The following MTUS2 variants were observed in gnomAD, a reference collection of about 807,000 sequenced individuals.
MTUS2 encodes microtubule-associated tumor suppressor candidate 2.
MTUS2 carries 40 observed loss-of-function variants against 114.1 expected under a neutral mutation model. The observed-to-expected ratio is 0.35, with a 90% CI of 0.27 to 0.46. MTUS2 has a LOEUF of 0.46. Ranked by LOEUF, MTUS2 falls within the 20% of genes least tolerant of loss-of-function variation. The probability of loss-of-function intolerance (pLI) is 1.00; values close to 1 mark genes in which losing one functional copy is unlikely to be tolerated. For synonymous variants in MTUS2, 688 were observed against 672.0 expected (o/e 1.02, Z -0.37); for missense variants, 1,679 against 1,705.4 (o/e 0.98, Z 0.27).
intron 2 of MTUS2, among the ~76,000 whole-genome samples, chr13:28,940,037 T>TTC (rs761902557): frequency 7.2e-5 from 11 of 152,270 alleles, no homozygotes; most frequent in East Asian, 1.9e-4. Context: ...CTTGACTCAG[T>TTC]TACCTCCCAC....
At chr13:29,088,210 T>C (rs1219002809) in intron 4 of MTUS2, among the ~76,000 whole-genome samples, 1 of 152,186 alleles carries the variant, frequency 6.6e-6, no homozygotes, top group African/African-American at 2.4e-5. Context: ...ACTTTTTTAT[T>C]TGTGCTTTAA....
At chr13:29,212,184 A>C (rs1472467040) in intron 5 of MTUS2, among the ~76,000 whole-genome samples, 1 of 151,504 alleles carries the variant, frequency 6.6e-6, no homozygotes, top group African/African-American at 2.4e-5. Context: ...TCCCTTTTTG[A>C]TTTCTTCTTT....
At chr13:28,897,622 A>G (rs1879358451) in intron 2 of MTUS2, among the ~76,000 whole-genome samples, 1 of 152,148 alleles carries the variant, frequency 6.6e-6, no homozygotes, top group African/African-American at 2.4e-5. Flanking sequence ...CTGTGGCACT[A>G]TTCACAATAG....
At chr13:28,880,308 A>G (rs535370410) in intron 2 of MTUS2, among the ~76,000 whole-genome samples, 11 of 152,214 alleles carry the variant, frequency 7.2e-5, no homozygotes, top group Non-Finnish European at 1.6e-4. Flanking sequence ...AAAAAAATAC[A>G]TTTTATTAAG....
chr13:29,089,154 AC>A (rs1260546664), intron 4 of MTUS2, among the ~76,000 whole-genome samples: 1 of 152,234 alleles, frequency 6.6e-6, no homozygotes, highest in African/African-American at 2.4e-5. Flanking sequence ...TCTGGTGGTA[AC>A]AATTTTCCCT....
intron 2 of MTUS2, among the ~76,000 whole-genome samples, chr13:28,991,882 G>C (rs994764898): frequency 6.6e-6 from 1 of 152,082 alleles, no homozygotes; most frequent in East Asian, 1.9e-4. Context: ...AGATGTCAAG[G>C]GTTTCTTAGG....
chr13:29,413,265 AT>A (rs1468070823), intron 8 of MTUS2, among the ~76,000 whole-genome samples: 1 of 152,202 alleles, frequency 6.6e-6, no homozygotes, highest in African/African-American at 2.4e-5. Context: ...CTCAAGGGCA[AT>A]TTATAGAACA....
At chr13:29,234,722 G>A (rs4383002) in intron 5 of MTUS2, among the ~76,000 whole-genome samples, 114,914 of 149,938 alleles carry the variant, frequency 0.77, 43,645 homozygotes, top group East Asian at 0.89. Flanking sequence ...TAATAGTATA[G>A]CATTTAGGTG....
intron 3 of MTUS2, among the ~76,000 whole-genome samples, chr13:29,031,270 G>GTGTGTGTGTGTGTGTGTGTGTGT (rs1555287201): frequency 4.5e-5 from 1 of 22,392 alleles, no homozygotes; most frequent in Non-Finnish European, 1.3e-4. Context: ...GTGTGTGTGT[G>GTGTGTGTGTGTGTGTGTGTGTGT]GTGTGTGTTC....
intron 7 of MTUS2, among the ~76,000 whole-genome samples, chr13:29,358,375 CT>C (rs1869929170): frequency 6.6e-6 from 1 of 152,178 alleles, no homozygotes; most frequent in Non-Finnish European, 1.5e-5. Context: ...GCCCAAAACC[CT>C]GTCCTCAACC....
intron 6 of MTUS2, among the ~76,000 whole-genome samples, chr13:29,285,588 G>A (rs1593261762): frequency 6.6e-6 from 1 of 152,260 alleles, no homozygotes; most frequent in South Asian, 2.1e-4. Context: ...AAGTACAAAG[G>A]AATGCAGAGA....
intron 5 of MTUS2, among the ~76,000 whole-genome samples, chr13:29,208,569 C>T (rs1211006225): frequency 1.3e-5 from 2 of 151,780 alleles, no homozygotes; most frequent in East Asian, 1.9e-4. Context: ...TTTAGTGCTC[C>T]GAACTTTCTT....
At chr13:28,904,791 C>A (rs375438016) in intron 2 of MTUS2, among the ~76,000 whole-genome samples, 42 of 151,996 alleles carry the variant, frequency 2.8e-4, no homozygotes, top group African/African-American at 5.8e-4. Flanking sequence ...TTCTGTGAAG[C>A]AAGTCATTGG....
At chr13:29,385,633 CCCTT>C (rs5802520) in intron 8 of MTUS2, among the ~76,000 whole-genome samples, 95,567 of 151,312 alleles carry the variant, frequency 0.63, 30,671 homozygotes, top group East Asian at 0.75. Flanking sequence ...TGCTGCTGAG[CCCTT>C]CCTTCCTGGT....
intron 5 of MTUS2, among the ~76,000 whole-genome samples, chr13:29,113,512 C>A (rs1460977358): frequency 6.6e-6 from 1 of 152,140 alleles, no homozygotes; most frequent in Admixed American, 6.5e-5. Flanking sequence ...GATACGGTAG[C>A]CACTAGTCAC....
intron 4 of MTUS2, among the ~76,000 whole-genome samples, chr13:29,057,144 G>T (rs1266814073): frequency 6.6e-6 from 1 of 151,906 alleles, no homozygotes; most frequent in Non-Finnish European, 1.5e-5. Context: ...TGTTTTTATT[G>T]TGCTGCGGCC....
At chr13:28,845,224 A>G (rs1160456269) in intron 2 of MTUS2, among the ~76,000 whole-genome samples, 2 of 152,218 alleles carry the variant, frequency 1.3e-5, no homozygotes, top group Non-Finnish European at 2.9e-5. Context: ...CACTGGGGTA[A>G]CAGGCGTGAG....
chr13:28,920,150 T>C (rs1204172597), intron 2 of MTUS2, among the ~76,000 whole-genome samples: 4 of 152,222 alleles, frequency 2.6e-5, no homozygotes, highest in African/African-American at 4.8e-5. Flanking sequence ...GTAACATTGA[T>C]GAGTTAGGCA....
At chr13:29,410,045 A>T (rs1028883646) in intron 8 of MTUS2, among the ~76,000 whole-genome samples, 2 of 152,188 alleles carry the variant, frequency 1.3e-5, no homozygotes, top group African/African-American at 4.8e-5. Flanking sequence ...CCTACAAAAA[A>T]TTGGATCAGA....
Sources: allele counts gnomAD v4.1 joint callset (sites outside exome capture counted in the v4.1 genomes callset), GRCh38; gene constraint gnomAD v4.1.1; transcripts MANE v1.5; gene names NCBI Gene and HGNC (gene_info 2026-07-23, HGNC 2026-07-21).